Variants in CDYL2 observed in about 807,000 individuals in gnomAD.
CDYL2 encodes chromodomain Y like 2.
CDYL2 carries 23 observed loss-of-function variants against 49.4 expected under a neutral mutation model. That is an observed-to-expected ratio of 0.47 (90% CI 0.34 to 0.66). The LOEUF is 0.66. CDYL2 is among the 30% of genes least tolerant of loss of function. The pLI is 0.01. For synonymous variants in CDYL2, 360 were observed against 268.8 expected (o/e 1.34, Z -3.32); for missense variants, 678 against 656.4 (o/e 1.03, Z -0.36).
intron 1 of CDYL2, among the ~76,000 whole-genome samples, chr16:80,777,260 G>T (rs370296824): frequency 2.6e-5 from 4 of 151,960 alleles, no homozygotes; most frequent in South Asian, 2.1e-4. Flanking sequence ...ACTATGTGTC[G>T]AGTACACTCA....
intron 2 of CDYL2, among the ~76,000 whole-genome samples, chr16:80,672,888 C>T (rs527300659): frequency 2.0e-4 from 30 of 152,336 alleles, no homozygotes; most frequent in African/African-American, 7.0e-4. Flanking sequence ...TTAACAGCAG[C>T]TCATTGGGCA....
intron 2 of CDYL2, among the ~76,000 whole-genome samples, chr16:80,636,918 C>T (rs932475043): frequency 6.6e-6 from 1 of 152,112 alleles, no homozygotes; most frequent in South Asian, 2.1e-4. Flanking sequence ...ATGGATGAAG[C>T]TGGAAACCAT....
At chr16:80,750,360 T>A (rs926075204) in intron 1 of CDYL2, among the ~76,000 whole-genome samples, 2 of 145,400 alleles carry the variant, frequency 1.4e-5, no homozygotes, top group African/African-American at 5.1e-5. Context: ...CACAAAATAA[T>A]TAACAGAAAT....
intron 1 of CDYL2, among the ~76,000 whole-genome samples, chr16:80,720,491 C>G (rs1252168306): frequency 6.6e-6 from 1 of 152,206 alleles, no homozygotes; most frequent in African/African-American, 2.4e-5. Flanking sequence ...ACAGGAAATA[C>G]TCTAGAAAGG....
chr16:80,716,471 T>C (rs564579666), intron 1 of CDYL2, among the ~76,000 whole-genome samples: 1 of 151,136 alleles, frequency 6.6e-6, no homozygotes, highest in Non-Finnish European at 1.5e-5. Flanking sequence ...AATGGACGGA[T>C]AGCTGGATGA....
intron 2 of CDYL2, among the ~76,000 whole-genome samples, chr16:80,654,367 AG>A (rs1908716016): frequency 1.3e-5 from 2 of 152,250 alleles, no homozygotes; most frequent in Admixed American, 6.5e-5. Context: ...TAACATTTAA[AG>A]AAGCAGCACA....
intron 1 of CDYL2, among the ~76,000 whole-genome samples, chr16:80,712,185 G>GTATATATA (rs1032871818): frequency 6.4e-5 from 1 of 15,566 alleles, no homozygotes; most frequent in East Asian, 1.5e-3. Context: ...CTTTGTGTCT[G>GTATATATA]TGTGTGTATA....
At chr16:80,706,189 T>C (rs570834131) in intron 1 of CDYL2, among the ~76,000 whole-genome samples, 1 of 152,344 alleles carries the variant, frequency 6.6e-6, no homozygotes, top group South Asian at 2.1e-4. Flanking sequence ...CTGCAAAACA[T>C]TTTAAGAGGC....
chr16:80,683,993 C>G (rs752731620), intron 2 of CDYL2, among the ~76,000 whole-genome samples: 1 of 152,226 alleles, frequency 6.6e-6, no homozygotes, highest in African/African-American at 2.4e-5. Flanking sequence ...ATCATCCAAC[C>G]TAGAGATAGC....
chr16:80,759,116 A>ATATATC (rs1906427000), intron 1 of CDYL2, among the ~76,000 whole-genome samples: 1 of 119,950 alleles, frequency 8.3e-6, no homozygotes, highest in African/African-American at 3.6e-5. Context: ...ATATATATAT[A>ATATATC]TATATATATA....
intron 3 of CDYL2, among the ~76,000 whole-genome samples, chr16:80,621,876 G>A (rs1907099258): frequency 6.6e-6 from 1 of 152,132 alleles, no homozygotes; most frequent in South Asian, 2.1e-4. Flanking sequence ...ATAGACACAG[G>A]TGCCCTCGGT....
At chr16:80,711,397 G>A (rs558067347) in intron 1 of CDYL2, among the ~76,000 whole-genome samples, 3 of 152,334 alleles carry the variant, frequency 2.0e-5, no homozygotes, top group East Asian at 3.9e-4. Context: ...AGGGCTGCAT[G>A]CACACCTGGG....
intron 1 of CDYL2, among the ~76,000 whole-genome samples, chr16:80,737,233 C>A (rs527461701): frequency 6.6e-6 from 1 of 152,138 alleles, no homozygotes; most frequent in Admixed American, 6.5e-5. Flanking sequence ...GTTGAACTCA[C>A]AGAGATGTTA....
intron 1 of CDYL2, among the ~76,000 whole-genome samples, chr16:80,733,520 G>C (rs17754097): frequency 0.43 from 65,807 of 151,946 alleles, 16,777 homozygotes; most frequent in Middle Eastern, 0.6. Context: ...TTTATACGCA[G>C]TAGGAAGCTG....
Position 80,617,257 on chromosome 16 carries a change from C to T in CDYL2, c.1007+3506G>A, listed in dbSNP as rs151025148. ...GGATGAGGAGGGGGTGAGAGTACCA[C>T]TCACGGGGTGCCAAGGCCATGCGGC... On this transcript the variant is annotated intron_variant, in intron 4 of 6. Coordinates refer to ENST00000570137, the MANE Select transcript of CDYL2 (RefSeq NM_152342.4). 2.9e-3 allele frequency among the ~76,000 whole-genome samples: 445 copies of T among 152,360 alleles called. 1 individual carries two copies. Among genetic ancestry groups the T allele is most frequent in the Non-Finnish European group, 5.0e-3 (337 of 68,042 alleles).
In CDYL2 at chr16:80,693,114, G is replaced by A. The variant is rs1489192626; in HGVS notation, c.25-7985C>T. On this transcript the variant is annotated intron_variant, in intron 1 of 6. Coordinates refer to ENST00000570137, the MANE Select transcript of CDYL2 (RefSeq NM_152342.4). Reference sequence around the variant, plus strand: ...ATAGTGATCGAAGCCAGATCAGTGGGGGCTGGGTGTGGGGGTGGATGGCGG... The same window carrying A: ...ATAGTGATCGAAGCCAGATCAGTGGAGGCTGGGTGTGGGGGTGGATGGCGG... 2.6e-5 allele frequency among the ~76,000 whole-genome samples: 4 copies of A among 151,860 alleles called. No individual in the cohort carries two copies. The South Asian group carries it at 8.3e-4, about 32-fold the overall frequency.
intron 3 of CDYL2, among the ~76,000 whole-genome samples, chr16:80,624,744 G>C (rs560062389): frequency 2.0e-5 from 3 of 152,278 alleles, no homozygotes; most frequent in African/African-American, 7.2e-5. Context: ...GAAAGAACAG[G>C]AGAATATGGG....
At chr16:80,676,872 AG>A (rs1333053603) in intron 2 of CDYL2, among the ~76,000 whole-genome samples, 1 of 151,708 alleles carries the variant, frequency 6.6e-6, no homozygotes, top group Non-Finnish European at 1.5e-5. Flanking sequence ...GATCTATTCT[AG>A]AACGTTTAGA....
At chr16:80,796,578 T>C (rs912354816) in intron 1 of CDYL2, among the ~76,000 whole-genome samples, 2 of 152,232 alleles carry the variant, frequency 1.3e-5, no homozygotes, top group African/African-American at 2.4e-5. Context: ...ACATCTGTTA[T>C]ATGTCAGCAG....
Sources: allele counts gnomAD v4.1 joint callset (sites outside exome capture counted in the v4.1 genomes callset), GRCh38; gene constraint gnomAD v4.1.1; transcripts MANE v1.5; gene names NCBI Gene and HGNC (gene_info 2026-07-23, HGNC 2026-07-21).